JHY: variants seen among roughly 807,000 people sequenced by gnomAD.
JHY encodes the protein junctional cadherin complex regulator.
JHY carries 69 observed loss-of-function variants against 78.0 expected under a neutral mutation model. The ratio of observed to expected loss-of-function variants is 0.88; its 90% CI spans 0.73 to 1.08. The LOEUF is 1.08. Among genes scored for constraint, JHY ranks in the 50% least tolerant of loss-of-function variants. The pLI is 0.00. For synonymous variants in JHY, 368 were observed against 342.6 expected (o/e 1.07, Z -0.82); for missense variants, 944 against 927.8 (o/e 1.02, Z -0.23).
chr11:122,949,023 G>T (rs947812426), intron 6 of JHY, among the ~76,000 whole-genome samples: 6 of 151,922 alleles, frequency 3.9e-5, no homozygotes, highest in African/African-American at 1.5e-4. Flanking sequence ...GATGGAGGTT[G>T]CAGTGAGCCG....
chr11:122,915,548 T>G (rs1863216693), intron 3 of JHY, among the ~76,000 whole-genome samples: 1 of 152,220 alleles, frequency 6.6e-6, no homozygotes, highest in South Asian at 2.1e-4. Context: ...AGTCTCGCCC[T>G]GTCATCCAGG....
At chr11:122,886,733 C>A (rs1862505008) in intron 2 of JHY, among the ~76,000 whole-genome samples, 1 of 152,172 alleles carries the variant, frequency 6.6e-6, no homozygotes. Context: ...CAGGCATAAG[C>A]CACCATGCCT....
chr11:122,938,412 GT>G (rs1863802241), intron 5 of JHY, among the ~76,000 whole-genome samples: 1 of 151,376 alleles, frequency 6.6e-6, no homozygotes, highest in Admixed American at 6.6e-5. Flanking sequence ...TTTTTTTGTT[GT>G]TGTTTCTGTT....
chr11:122,913,124 C>T (rs1321454647), intron 3 of JHY, among the ~76,000 whole-genome samples: 1 of 152,112 alleles, frequency 6.6e-6, no homozygotes. Flanking sequence ...GATGGTGAGA[C>T]TCTCAAAAGA....
chr11:122,906,112 T>C (rs1862986369), intron 3 of JHY, among the ~76,000 whole-genome samples: 1 of 152,204 alleles, frequency 6.6e-6, no homozygotes, highest in Non-Finnish European at 1.5e-5. Flanking sequence ...TCTTGTTCCA[T>C]AAAACTTACA....
chr11:122,914,095 A>C (rs7118375), intron 3 of JHY, among the ~76,000 whole-genome samples: 1 of 152,126 alleles, frequency 6.6e-6, no homozygotes, highest in Non-Finnish European at 1.5e-5. Context: ...AAAATTACAA[A>C]TGTTTGCCTT....
intron 3 of JHY, among the ~76,000 whole-genome samples, chr11:122,918,896 A>G (rs1185072183): frequency 1.4e-5 from 2 of 146,532 alleles, no homozygotes; most frequent in Admixed American, 6.7e-5. Context: ...GGGGGGAAGA[A>G]AAAGCAGTTA....
At chr11:122,956,391 T>C (rs1216541202) in intron 6 of JHY, 105 bp from the exon 7 acceptor site, 8 of 885,384 alleles carry the variant, frequency 9.0e-6, no homozygotes, top group Non-Finnish European at 1.4e-5. Flanking sequence ...CAGGCTTTCA[T>C]TATTTTCTTT....
At chr11:122,921,277 A>G (rs900539203) in intron 3 of JHY, among the ~76,000 whole-genome samples, 6 of 152,374 alleles carry the variant, frequency 3.9e-5, no homozygotes, top group East Asian at 1.9e-4. Flanking sequence ...ATCATTGTCA[A>G]TCAAACAGTA....
Position 122,934,878 on chromosome 11 carries a change from A to T in JHY, c.1437A>T (p.Arg479Ser), listed in dbSNP as rs764193942. 6 of 1,613,862 alleles carry T rather than the reference A, an allele frequency of 3.7e-6. No homozygotes were observed. Among genetic ancestry groups the T allele is most frequent in the African/African-American group, 1.3e-5 (1 of 74,870 alleles). ...ERGHKDQEEK[R>S]FSYQQLHTLS... ...GACACAAAGACCAAGAAGAGAAAAG[A>T]TTTTCATATCAGCAGCTACACACCC... Residue 479 changes from arginine to serine, a missense_variant, in exon 5 of 9, where the codon AGA becomes AGT. Arg to Ser is a moderately radical substitution (Grantham distance 110, BLOSUM62 -1). Coordinates refer to ENST00000227349, the MANE Select transcript of JHY (RefSeq NM_024806.4).
chr11:122,926,350 G>C (rs1565324204), intron 4 of JHY, among the ~76,000 whole-genome samples: 1 of 152,094 alleles, frequency 6.6e-6, no homozygotes, highest in Non-Finnish European at 1.5e-5. Flanking sequence ...TGAACCTATA[G>C]AGCCTGTTGA....
rs781678960 is a variant in JHY, at chr11:122,946,607, C to A, written c.1744C>A (p.Gln582Lys). 6.2e-7 allele frequency: 1 copy of A among 1,614,040 alleles called. No homozygotes were observed. ...AGCCTTGGTGCAGCTGACCGACGTG[C>A]AGCCCAGTGAAGGGGCCTTATCCAG... Reference protein sequence around the residue: ...QQALVQLTDVQPSEGALSSVT... With the variant: ...QQALVQLTDVKPSEGALSSVT... The change falls in exon 6 of 9, where the codon CAG becomes AAG. Residue 582 changes from glutamine (Q) to lysine (K), a missense_variant. Physicochemically the swap from Gln to Lys is moderately conservative, Grantham distance 53. Transcript: ENST00000227349.
At chr11:122,945,500 A>G (rs951487092) in intron 5 of JHY, among the ~76,000 whole-genome samples, 5 of 152,046 alleles carry the variant, frequency 3.3e-5, no homozygotes, top group African/African-American at 7.2e-5. Context: ...TGCTATTTGT[A>G]TGTGTGTGTA....
chr11:122,923,054 G>T (rs560436230), intron 3 of JHY, among the ~76,000 whole-genome samples: 4 of 152,328 alleles, frequency 2.6e-5, no homozygotes, highest in Non-Finnish European at 5.9e-5. Flanking sequence ...GTGGGCAGAG[G>T]AGGCTGACCT....
At chr11:122,953,979 T>C (rs534661613) in intron 6 of JHY, among the ~76,000 whole-genome samples, 1 of 152,316 alleles carries the variant, frequency 6.6e-6, no homozygotes, top group South Asian at 2.1e-4. Flanking sequence ...GCACATCATT[T>C]TGGCCCTTTT....
chr11:122,905,675 C>A, intron 3 of JHY: 1 of 804,206 alleles, frequency 1.2e-6, no homozygotes, highest in Non-Finnish European at 1.5e-6. Context: ...CAAGACCAGC[C>A]TGGCCAACAT....
intron 3 of JHY, among the ~76,000 whole-genome samples, chr11:122,909,596 A>G (rs36076058): frequency 0.05 from 7,627 of 152,192 alleles, 237 homozygotes; most frequent in Middle Eastern, 0.075. Context: ...TCTGGCCAAC[A>G]TTGTGAAACC....
rs12808140 is a variant in JHY, at chr11:122,898,365, C to G, written c.345-5560C>G. Among the ~76,000 whole-genome samples the G allele has an allele frequency of 3.9e-5, 6 of 152,118 alleles. No individual in the cohort carries two copies. The highest frequency in any genetic ancestry group is 7.4e-5 in the Non-Finnish European group (5 of 68,022). ...CAATGCAACATGATGTGCAGGAGCC[C>G]GATCCAGAGCAGACTGCCAGGCTCT... On this transcript the variant is annotated intron_variant, in intron 2 of 8. Transcript: ENST00000227349. This position sits in a 1 kb window ranked among gnomAD's most constrained non-coding sequence, Gnocchi z 4.4.
intron 5 of JHY, among the ~76,000 whole-genome samples, chr11:122,937,333 G>A (rs1311249228): frequency 2.0e-5 from 3 of 148,250 alleles, no homozygotes; most frequent in Non-Finnish European, 4.4e-5. Flanking sequence ...TTGATCCTAC[G>A]CTTATGAGTA....
Sources: gnomAD v4.1 joint callset for allele counts (sites outside exome capture counted in the v4.1 genomes callset) on GRCh38, gnomAD v4.1.1 for gene constraint, Gnocchi (gnomAD v3.1) non-coding constraint, MANE v1.5 for transcripts, NCBI Gene and HGNC (gene_info 2026-07-23, HGNC 2026-07-21) for gene names.